KIZ: variants seen among roughly 807,000 people sequenced by gnomAD.
The protein encoded by KIZ is kizuna centrosomal protein.
Under a neutral mutation model 79.6 loss-of-function variants are expected in KIZ, and 68 were observed. That is an observed-to-expected ratio of 0.85 (90% CI 0.70 to 1.05). KIZ has a LOEUF of 1.05. KIZ is among the 50% of genes least tolerant of loss of function. KIZ has a pLI of 0.00. For missense variants in KIZ, 797 were observed against 800.4 expected (o/e 1.00, Z 0.05); for synonymous variants, 280 against 281.8 (o/e 0.99, Z 0.06).
At chr20:21,186,468 T>C (rs1374611290) in intron 6 of KIZ, among the ~76,000 whole-genome samples, 1 of 151,706 alleles carries the variant, frequency 6.6e-6, no homozygotes, top group Non-Finnish European at 1.5e-5. Context: ...TGACATCCCC[T>C]AAACTCTGAC....
chr20:21,131,002 T>C (rs1379475454), intron 1 of KIZ, among the ~76,000 whole-genome samples: 1 of 152,260 alleles, frequency 6.6e-6, no homozygotes, highest in Non-Finnish European at 1.5e-5. Flanking sequence ...TTTGCTTGGA[T>C]AGAATATTAT....
chr20:21,161,800 G>GC, intron 4 of KIZ, 71 bp from the exon 5 acceptor site: 3 of 884,390 alleles, frequency 3.4e-6, no homozygotes, highest in Non-Finnish European at 4.8e-6. Context: ...TTCATTTCTG[G>GC]AAAAAAAAAA....
At chr20:21,212,046 G>A (rs544056988) in intron 7 of KIZ, among the ~76,000 whole-genome samples, 19 of 152,280 alleles carry the variant, frequency 1.2e-4, no homozygotes, top group South Asian at 2.1e-4. Flanking sequence ...CCAAGATCCC[G>A]CCACTGCACT....
intron 6 of KIZ, among the ~76,000 whole-genome samples, chr20:21,179,362 G>A (rs1460449998): frequency 1.3e-5 from 2 of 151,278 alleles, no homozygotes; most frequent in Non-Finnish European, 3.0e-5. Flanking sequence ...CAGTTTGTTG[G>A]TTTGTAATAG....
intron 6 of KIZ, chr20:21,193,999 G>A (rs969469329): frequency 6.6e-6 from 1 of 151,916 alleles, no homozygotes; most frequent in African/African-American, 2.4e-5. Context: ...AAAACTTAAA[G>A]TATAATAATA....
intron 6 of KIZ, among the ~76,000 whole-genome samples, chr20:21,169,349 C>G (rs1040578485): frequency 9.9e-5 from 15 of 151,790 alleles, no homozygotes; most frequent in African/African-American, 3.1e-4. Context: ...CACTGGCCAT[C>G]AGAGAAATGC....
chr20:21,219,545 C>T (rs143790843), intron 9 of KIZ, among the ~76,000 whole-genome samples: 127 of 152,160 alleles, frequency 8.3e-4, no homozygotes, highest in Admixed American at 2.2e-3. Context: ...CTCCAACTCC[C>T]GACCTCAAGC....
intron 6 of KIZ, among the ~76,000 whole-genome samples, chr20:21,164,382 A>G (rs1452275031): frequency 6.6e-6 from 1 of 152,216 alleles, no homozygotes; most frequent in Non-Finnish European, 1.5e-5. Flanking sequence ...GGTTCCTGTC[A>G]TTGGGAAATT....
chr20:21,228,305 A>G (rs1051364638), intron 9 of KIZ, among the ~76,000 whole-genome samples: 3 of 152,064 alleles, frequency 2.0e-5, no homozygotes, highest in Admixed American at 2.0e-4. Flanking sequence ...AGGTTGTGTC[A>G]CTCAGGTTCT....
intron 11 of KIZ, among the ~76,000 whole-genome samples, chr20:21,237,928 C>T (rs1411496608): frequency 6.6e-6 from 1 of 152,202 alleles, no homozygotes; most frequent in Non-Finnish European, 1.5e-5. Context: ...CTCCCAGGCT[C>T]AAGCAACCCT....
chr20:21,214,577 C>T lies in KIZ; in HGVS notation c.1489C>T (p.Arg497Cys), dbSNP rs375058051. Reference protein sequence around the residue: ...LRKALTEECGRRSAIHSSESS... With the variant: ...LRKALTEECGCRSAIHSSESS... ...AAAAGCCCTTACAGAAGAGTGTGGC[C>T]GTAGGTCAGCTATTCACAGTAGTGA... Residue 497 changes from arginine (R) to cysteine (C), a missense_variant, in exon 8 of 13, where the codon CGT becomes TGT. By Grantham distance (180) the Arg-to-Cys change is radical. Coordinates refer to ENST00000619189, the MANE Select transcript of KIZ (RefSeq NM_018474.6). 83 of 1,613,096 alleles carry T rather than the reference C, an allele frequency of 5.1e-5. No homozygotes were observed. The highest frequency in any genetic ancestry group is 6.8e-5 in the Non-Finnish European group (80 of 1,179,370).
rs747316967 is a variant in KIZ at position 21,162,184 on chromosome 20, C to G, written c.719C>G (p.Ala240Gly). The G allele has an allele frequency of 6.2e-7, 1 of 1,611,282 alleles. No individual in the cohort carries two copies. Among genetic ancestry groups the G allele is most frequent in the Non-Finnish European group, 8.5e-7 (1 of 1,178,418 alleles). ...LQIGEKMPVT[A>G]SVLSEEEQTH... is the part of the protein sequence containing the mutation. ...ATTGGTGAGAAAATGCCAGTCACAG[C>G]CAGTGTATTGTCTGAGGAGGAACAA... Residue 240 changes from alanine (A) to glycine (G), a missense_variant, in exon 5 of 13, where the codon GCC becomes GGC. Coordinates refer to ENST00000619189, the MANE Select transcript of KIZ (RefSeq NM_018474.6).
intron 11 of KIZ, among the ~76,000 whole-genome samples, chr20:21,239,198 A>T (rs1170506954): frequency 5.3e-5 from 8 of 152,208 alleles, no homozygotes; most frequent in Non-Finnish European, 8.8e-5. Context: ...GAGGTAGGGA[A>T]CTTGCCCAGG....
intron 7 of KIZ, among the ~76,000 whole-genome samples, chr20:21,214,315 AGT>A (rs1272767103): frequency 2.6e-5 from 4 of 152,302 alleles, no homozygotes; most frequent in Non-Finnish European, 5.9e-5. Flanking sequence ...GCCCTCAAAA[AGT>A]GTATTATTGT....
At chr20:21,222,474 C>T (rs1482516030) in intron 9 of KIZ, among the ~76,000 whole-genome samples, 1 of 152,216 alleles carries the variant, frequency 6.6e-6, no homozygotes, top group Non-Finnish European at 1.5e-5. Context: ...TGTTTTGAAG[C>T]ACCCTCATTT....
intron 4 of KIZ, among the ~76,000 whole-genome samples, chr20:21,152,870 G>T (rs1029739222): frequency 3.9e-5 from 6 of 152,126 alleles, no homozygotes; most frequent in African/African-American, 1.4e-4. Context: ...TCTATTCAGG[G>T]TCTATCTTAG....
chr20:21,206,849 C>T (rs1324496200), intron 7 of KIZ, among the ~76,000 whole-genome samples: 2 of 151,946 alleles, frequency 1.3e-5, no homozygotes, highest in Non-Finnish European at 2.9e-5. Context: ...AGAGAGAATT[C>T]GAAGATGCTA....
chr20:21,152,264 CATTTCTATAATTTAATAATTTTTA>C (rs1239363644), intron 4 of KIZ, among the ~76,000 whole-genome samples: 6 of 152,156 alleles, frequency 3.9e-5, no homozygotes, highest in African/African-American at 1.4e-4. Flanking sequence ...CCTTATGTCT[CATTTCTATAATTTAATAATTTTTA>C]TACGATTTTA....
intron 11 of KIZ, among the ~76,000 whole-genome samples, chr20:21,243,025 C>T (rs2252720): frequency 0.58 from 88,435 of 152,026 alleles, 27,610 homozygotes; most frequent in South Asian, 0.79. Flanking sequence ...AAATAATAGA[C>T]ATCCCTGCAG....
Sources: allele counts gnomAD v4.1 joint callset (sites outside exome capture counted in the v4.1 genomes callset), GRCh38; gene constraint gnomAD v4.1.1; transcripts MANE v1.5; gene names NCBI Gene and HGNC (gene_info 2026-07-23, HGNC 2026-07-21).